SAMMSON: variants seen among roughly 807,000 people sequenced by gnomAD.
SAMMSON encodes the protein long intergenic non-protein coding RNA 1212.
chr3:70,119,902 G>A (rs147554476), intron 4 of SAMMSON, among the ~76,000 whole-genome samples: 25 of 152,274 alleles, frequency 1.6e-4, no homozygotes, highest in African/African-American at 5.8e-4. Context: ...TATTTTAAAT[G>A]TAATAGAATT....
chr3:70,250,654 T>G (rs1475379696), intron 6 of SAMMSON, among the ~76,000 whole-genome samples: 1 of 152,206 alleles, frequency 6.6e-6, no homozygotes, highest in Non-Finnish European at 1.5e-5. Context: ...TGTTTTTATT[T>G]CACAAAAATT....
intron 4 of SAMMSON, among the ~76,000 whole-genome samples, chr3:70,098,579 G>T (rs1276230975): frequency 6.6e-6 from 1 of 152,052 alleles, no homozygotes; most frequent in Non-Finnish European, 1.5e-5. Context: ...ATCTTGGCCA[G>T]GTTGGTCTTA....
At chr3:70,008,600 T>A (rs2066940092) in intron 1 of SAMMSON, among the ~76,000 whole-genome samples, 1 of 152,332 alleles carries the variant, frequency 6.6e-6, no homozygotes, top group East Asian at 1.9e-4. Context: ...ACAATTTGAC[T>A]TCCTCTTTTC....
At chr3:70,019,838 C>T (rs1255848695) in intron 3 of SAMMSON, among the ~76,000 whole-genome samples, 2 of 152,206 alleles carry the variant, frequency 1.3e-5, no homozygotes, top group East Asian at 1.9e-4. Flanking sequence ...CATTCAAGGG[C>T]CTGAGAAGTC....
intron 4 of SAMMSON, among the ~76,000 whole-genome samples, chr3:70,187,557 C>A (rs1701100616): frequency 6.6e-6 from 1 of 151,008 alleles, no homozygotes; most frequent in South Asian, 2.1e-4. Flanking sequence ...CCTGCCTCAG[C>A]CTCCCGTGTA....
intron 4 of SAMMSON, chr3:70,197,125 A>G: frequency 5.0e-6 from 2 of 398,572 alleles, no homozygotes; most frequent in Non-Finnish European, 8.8e-6. Flanking sequence ...GCCGGGGAGC[A>G]TCAGGAGACA....
intron 3 of SAMMSON, among the ~76,000 whole-genome samples, chr3:70,040,719 G>A (rs141472431): frequency 9.9e-5 from 15 of 152,254 alleles, no homozygotes; most frequent in African/African-American, 3.4e-4. Flanking sequence ...AATGTGTCCA[G>A]TGAGCCTCAT....
At position 70,007,595 on chromosome 3, in the gene SAMMSON, G is replaced by A. The variant is rs1463871005; in HGVS notation, n.23-4762G>A. 4.6e-5 allele frequency among the ~76,000 whole-genome samples: 7 copies of A among 152,090 alleles called. No individual in the cohort carries two copies. The East Asian group carries it at 1.4e-3, about 29-fold the overall frequency. On this transcript the variant is annotated intron_variant and non_coding_transcript_variant, in intron 1 of 9. Transcript: ENST00000642114. Reference sequence around the variant, plus strand: ...AAAATTTTCTCCCATTCTGTAGGTTGCATGTTCACTCTGATTGTAGTTTTT... The same window carrying A: ...AAAATTTTCTCCCATTCTGTAGGTTACATGTTCACTCTGATTGTAGTTTTT...
At chr3:70,399,417 G>C (rs1701120004) in intron 2 of SAMMSON, among the ~76,000 whole-genome samples, 2 of 152,208 alleles carry the variant, frequency 1.3e-5, no homozygotes, top group Admixed American at 6.5e-5. Context: ...TACAATGCCA[G>C]TGGACATGAC....
intron 3 of SAMMSON, among the ~76,000 whole-genome samples, chr3:70,051,975 A>G (rs2067148224): frequency 6.6e-6 from 1 of 151,980 alleles, no homozygotes; most frequent in African/African-American, 2.4e-5. Context: ...GCATGTGCCT[A>G]TAGTCCCAGC....
At chr3:70,046,361 A>T (rs962918852) in intron 3 of SAMMSON, among the ~76,000 whole-genome samples, 1 of 152,128 alleles carries the variant, frequency 6.6e-6, no homozygotes, top group African/African-American at 2.4e-5. Context: ...AGAAACAACC[A>T]TCTACCCCAA....
chr3:70,128,911 G>C (rs564964856), intron 4 of SAMMSON, among the ~76,000 whole-genome samples: 1 of 152,292 alleles, frequency 6.6e-6, no homozygotes, highest in South Asian at 2.1e-4. Context: ...GAAAAATTTA[G>C]AGAATTTGTA....
chr3:70,399,100 G>A (rs1701115425), intron 2 of SAMMSON, among the ~76,000 whole-genome samples: 1 of 152,158 alleles, frequency 6.6e-6, no homozygotes, highest in African/African-American at 2.4e-5. Context: ...AGACAGAAAT[G>A]TTTTTACTGG....
chr3:70,114,075 C>G (rs566132133), intron 4 of SAMMSON, among the ~76,000 whole-genome samples: 5 of 152,268 alleles, frequency 3.3e-5, no homozygotes, highest in African/African-American at 9.6e-5. Flanking sequence ...CTGACGAGGT[C>G]GGAATTGACA....
At chr3:70,147,994 A>G (rs72937577) in intron 4 of SAMMSON, among the ~76,000 whole-genome samples, 2,260 of 152,184 alleles carry the variant, frequency 0.015, 51 homozygotes, top group African/African-American at 0.052. Flanking sequence ...CAATTTACCA[A>G]TGAGGATACA....
intron 6 of SAMMSON, among the ~76,000 whole-genome samples, chr3:70,285,040 A>T (rs186367415): frequency 6.8e-5 from 10 of 147,326 alleles, no homozygotes; most frequent in African/African-American, 2.5e-4. Context: ...TTTTTTACTT[A>T]TTTTTTTTTA....
chr3:70,187,823 C>CT (rs995244963), intron 4 of SAMMSON, among the ~76,000 whole-genome samples: 33 of 151,994 alleles, frequency 2.2e-4, no homozygotes, highest in South Asian at 4.2e-4. Flanking sequence ...CAGTGTGGTG[C>CT]TTTTTTTTCT....
At chr3:70,421,223 C>T (rs546520591) in intron 2 of SAMMSON, among the ~76,000 whole-genome samples, 5 of 151,920 alleles carry the variant, frequency 3.3e-5, no homozygotes, top group South Asian at 2.1e-4. Context: ...AGCTGACTCT[C>T]GGCATAAGGA....
intron 2 of SAMMSON, among the ~76,000 whole-genome samples, chr3:70,406,276 AT>A (rs1399680638): frequency 6.6e-6 from 1 of 152,202 alleles, no homozygotes; most frequent in African/African-American, 2.4e-5. Context: ...GAAAAACCTC[AT>A]TTAAGTGCTG....
Sources: gnomAD v4.1 joint callset for allele counts (sites outside exome capture counted in the v4.1 genomes callset) on GRCh38, gnomAD v4.1.1 for gene constraint, MANE v1.5 for transcripts, NCBI Gene and HGNC (gene_info 2026-07-23, HGNC 2026-07-21) for gene names.